Variants in SCIN observed in about 807,000 individuals in gnomAD.
SCIN encodes adseverin.
SCIN carries 91 observed loss-of-function variants against 91.8 expected under a neutral mutation model. That is an observed-to-expected ratio of 0.99 (90% CI 0.84 to 1.18). SCIN has a LOEUF of 1.18. SCIN is among the 50% of genes most tolerant of loss of function. The pLI is 0.00. For synonymous variants in SCIN, 367 were observed against 312.6 expected, an observed-to-expected ratio of 1.17 and a Z score of -1.84; for missense variants, 1,087 against 863.9, an observed-to-expected ratio of 1.26 and a Z score of -3.24.
At chr7:12,585,044 C>G (rs1051605131) in intron 3 of SCIN, among the ~76,000 whole-genome samples, 1 of 152,032 alleles carries the variant, frequency 6.6e-6, no homozygotes, top group Non-Finnish European at 1.5e-5. Flanking sequence ...GCAGCTTTAC[C>G]CTGTTCTCCT....
At chr7:12,572,208 C>G (rs1344839708) in intron 1 of SCIN, among the ~76,000 whole-genome samples, 1 of 152,166 alleles carries the variant, frequency 6.6e-6, no homozygotes, top group African/African-American at 2.4e-5. Flanking sequence ...GAAGATAAGA[C>G]TTTTAATTAT....
chr7:12,588,802 AT>A (rs1782645614), intron 3 of SCIN: 1 of 8,644 alleles, frequency 1.2e-4, no homozygotes, highest in Non-Finnish European at 2.2e-4. Context: ...GGACAGCTGC[AT>A]TGGGTGGGGG....
At position 12,651,549 on chromosome 7, in the gene SCIN, G is replaced by GT. The variant is rs34655310; in HGVS notation, c.1960-283dup. Among the ~76,000 whole-genome samples, 25,475 of 150,374 alleles carry GT rather than the reference G, an allele frequency of 0.17. 2,301 individuals are homozygous for GT. The highest frequency in any genetic ancestry group is 0.25 in the Admixed American group (3,828 of 15,098). ...AAAAAAAAGTCCACCCAGACAATCTGTTTTTTTTTGTGAAAGATCACTTTA... is the reference window on the plus strand; with the variant it reads ...AAAAAAAAGTCCACCCAGACAATCTGTTTTTTTTTTGTGAAAGATCACTTTA... On this transcript the variant is annotated intron_variant, in intron 14 of 15. Coordinates refer to ENST00000297029, the MANE Select transcript of SCIN (RefSeq NM_001112706.3). The surrounding 1 kb of genome is among the most constrained non-coding windows in gnomAD (Gnocchi z 5.9).
rs1784123366 is a variant in SCIN, at chr7:12,653,532, A to G, written c.*817A>G. 6.6e-6 allele frequency: 1 copy of G among 152,214 alleles called. No individual in the cohort carries two copies. The highest frequency in any genetic ancestry group is 1.9e-4 in the East Asian group (1 of 5,202). The allele number at this position is 152,214 out of a possible 1,614,324, so 9.4% of individuals were successfully genotyped here. On this transcript the variant is annotated 3_prime_UTR_variant, in exon 16 of 16. Transcript: ENST00000297029. This position sits in a 1 kb window ranked among gnomAD's most constrained non-coding sequence, Gnocchi z 4.1. ...TAGTCAATATGACTTTGATGTCATT[A>G]ACTGCTAAGTGTTATTTTCTAAGAG...
rs1784202283 is a variant in SCIN at position 12,657,970 on chromosome 7, A to G, written c.*5255A>G. ...ATGACAAACTCCATCTTATTTAGAG[A>G]GATTATTTTTGATGTTATTATAATA... On this transcript the variant is annotated 3_prime_UTR_variant, in exon 16 of 16. Coordinates refer to ENST00000297029, the MANE Select transcript of SCIN (RefSeq NM_001112706.3). 1 of 152,104 alleles carries G rather than the reference A, an allele frequency of 6.6e-6. No individual in the cohort carries two copies. The highest frequency in any genetic ancestry group is 2.1e-4 in the South Asian group (1 of 4,806). 9.4% of individuals were successfully genotyped at this position (152,104 alleles called of 1,614,324 possible).
intron 3 of SCIN, among the ~76,000 whole-genome samples, chr7:12,601,959 C>A (rs1247917212): frequency 6.6e-6 from 1 of 152,116 alleles, no homozygotes; most frequent in Admixed American, 6.5e-5. Context: ...TATTGATGGG[C>A]ATTTGTTTTG....
chr7:12,613,495 G>C (rs1783238602), intron 4 of SCIN, among the ~76,000 whole-genome samples: 1 of 152,098 alleles, frequency 6.6e-6, no homozygotes, highest in Non-Finnish European at 1.5e-5. Flanking sequence ...GTATGTATTT[G>C]ATAATAAGCA....
intron 8 of SCIN, among the ~76,000 whole-genome samples, chr7:12,627,402 C>G (rs1302243417): frequency 6.6e-6 from 1 of 152,094 alleles, no homozygotes; most frequent in Non-Finnish European, 1.5e-5. Context: ...GCTGAAGTGG[C>G]CTTTCTCTGT....
chr7:12,636,015 A>G, intron 9 of SCIN, 30 bp from the exon 10 acceptor site: 1 of 1,554,232 alleles, frequency 6.4e-7, no homozygotes, highest in Non-Finnish European at 8.8e-7. Flanking sequence ...CTTAAAGGCA[A>G]GCTAATTCGT....
At position 12,622,925 on chromosome 7, in the gene SCIN, A is replaced by C. The variant is rs113337605; in HGVS notation, c.759+32A>C. ...TCACTGTAACCAAATTTATTGTTTCAACAGTACTGGATGTAGCTAGGGAGG... is the reference window on the plus strand; with the variant it reads ...TCACTGTAACCAAATTTATTGTTTCCACAGTACTGGATGTAGCTAGGGAGG... On this transcript the variant is annotated intron_variant, in intron 5 of 15. Coordinates refer to ENST00000297029, the MANE Select transcript of SCIN (RefSeq NM_001112706.3). 3,747 of 1,516,948 alleles carry C rather than the reference A, an allele frequency of 2.5e-3. 67 individuals are homozygous for C. In the African/African-American group the frequency reaches 0.041, roughly 16 times the overall value. 94.0% of individuals were successfully genotyped at this position (1,516,948 alleles called of 1,614,324 possible).
At chr7:12,588,120 C>T (rs563195957) in intron 3 of SCIN, among the ~76,000 whole-genome samples, 1 of 152,118 alleles carries the variant, frequency 6.6e-6, no homozygotes, top group Admixed American at 6.5e-5. Flanking sequence ...GTCCTTACCC[C>T]CAAAGTAATG....
intron 11 of SCIN, among the ~76,000 whole-genome samples, chr7:12,643,402 T>C (rs973001648): frequency 1.3e-5 from 2 of 152,326 alleles, no homozygotes; most frequent in East Asian, 1.9e-4. Flanking sequence ...GTATTAGAAA[T>C]TGGAAGCCCT....
chr7:12,578,678 G>T (rs953642497), intron 2 of SCIN, among the ~76,000 whole-genome samples: 15 of 151,834 alleles, frequency 9.9e-5, no homozygotes, highest in Non-Finnish European at 1.5e-5. Context: ...TATAATTTTA[G>T]TAACTGTAAA....
intron 4 of SCIN, among the ~76,000 whole-genome samples, chr7:12,621,286 T>A (rs569963347): frequency 6.6e-6 from 1 of 152,258 alleles, no homozygotes; most frequent in African/African-American, 2.4e-5. Context: ...TGACAATATA[T>A]GGCATCTCTC....
chr7:12,585,418 T>C (rs1356203986), intron 3 of SCIN, among the ~76,000 whole-genome samples: 5 of 152,192 alleles, frequency 3.3e-5, no homozygotes, highest in Non-Finnish European at 7.3e-5. Flanking sequence ...TCTTCTTTTA[T>C]ACATTCTTCC....
Position 12,614,942 on chromosome 7 carries a change from C to T in SCIN, c.667-7859C>T, listed in dbSNP as rs1200446309. On this transcript the variant is annotated intron_variant, in intron 4 of 15. Coordinates refer to ENST00000297029, the MANE Select transcript of SCIN (RefSeq NM_001112706.3). ...AGATCAAGGTGATATGGGCAGAGCA[C>T]CAATAGCATCTGCTACATCCTTACT... 7.9e-5 allele frequency among the ~76,000 whole-genome samples: 12 copies of T among 152,110 alleles called. 1 individual carries two copies. The highest frequency in any genetic ancestry group is 1.5e-4 in the Non-Finnish European group (10 of 68,022).
At position 12,657,564 on chromosome 7, in the gene SCIN, ATATATATATTTTTTTTTT is replaced by A. The variant is rs530196300; in HGVS notation, c.*4851_*4868del. The A allele has an allele frequency of 0.012, 328 of 28,124 alleles. 1 individual carries two copies. Among genetic ancestry groups the A allele is most frequent in the Non-Finnish European group, 0.014 (197 of 14,274 alleles). 1.7% of individuals were successfully genotyped at this position (28,124 alleles called of 1,614,324 possible). ...TATATATATATATATATATATATAT[ATATATATATTTTTTTTTT>A]TTTTTTTTTTTTTTTTGCATTGGCA... On this transcript the variant is annotated 3_prime_UTR_variant, in exon 16 of 16. Coordinates refer to ENST00000297029, the MANE Select transcript of SCIN (RefSeq NM_001112706.3).
intron 4 of SCIN, among the ~76,000 whole-genome samples, chr7:12,616,932 A>G (rs917516834): frequency 6.6e-6 from 1 of 152,100 alleles, no homozygotes; most frequent in Non-Finnish European, 1.5e-5. Context: ...TTGCCTGGAG[A>G]GGGATATACA....
At chr7:12,635,063 A>T (rs1180540534) in intron 9 of SCIN, among the ~76,000 whole-genome samples, 3 of 151,716 alleles carry the variant, frequency 2.0e-5, no homozygotes, top group Non-Finnish European at 4.4e-5. Context: ...CCAGCTACTC[A>T]GGAGGCTGAG....
Sources: gnomAD v4.1 joint callset for allele counts (sites outside exome capture counted in the v4.1 genomes callset) on GRCh38, gnomAD v4.1.1 for gene constraint, Gnocchi (gnomAD v3.1) non-coding constraint, MANE v1.5 for transcripts, NCBI Gene and HGNC (gene_info 2026-07-23, HGNC 2026-07-21) for gene names.